JMJD1C: variants seen among roughly 807,000 people sequenced by gnomAD.
JMJD1C encodes the protein jumonji domain-containing protein 1C.
A neutral mutation model predicts 245.3 loss-of-function variants in JMJD1C; 31 were observed. The observed-to-expected ratio is 0.13, with a 90% confidence interval of 0.09 to 0.17. JMJD1C has a LOEUF of 0.17. JMJD1C is among the 10% of genes least tolerant of loss of function. The pLI, the probability that JMJD1C is intolerant of heterozygous loss-of-function variation, is 1.00. For synonymous variants in JMJD1C, 1,057 were observed against 1,017.4 expected, an observed-to-expected ratio of 1.04 and a Z score of -0.74; for missense variants, 2,691 against 3,000.2, an observed-to-expected ratio of 0.90 and a Z score of 2.41.
At chr10:63,211,673 C>T (rs1047573105) in intron 8 of JMJD1C, among the ~76,000 whole-genome samples, 7 of 151,550 alleles carry the variant, frequency 4.6e-5, no homozygotes. Flanking sequence ...TTCTAAATCA[C>T]CACCCCCAAC....
chr10:63,257,975 T>G (rs1854191444), intron 3 of JMJD1C, among the ~76,000 whole-genome samples: 1 of 152,154 alleles, frequency 6.6e-6, no homozygotes, highest in Non-Finnish European at 1.5e-5. Context: ...AGAAAGATTG[T>G]TAGAAGTAAG....
At chr10:63,422,456 G>A (rs1029000024) in intron 1 of JMJD1C, among the ~76,000 whole-genome samples, 2 of 152,020 alleles carry the variant, frequency 1.3e-5, no homozygotes, top group African/African-American at 4.8e-5. Flanking sequence ...TGTTAATATG[G>A]CAAATAATAG....
chr10:63,506,949 A>C (rs1258136148), intron 1 of JMJD1C, among the ~76,000 whole-genome samples: 1 of 152,180 alleles, frequency 6.6e-6, no homozygotes, highest in African/African-American at 2.4e-5. Flanking sequence ...GTAACCCATA[A>C]TAATGGCTAA....
intron 2 of JMJD1C, among the ~76,000 whole-genome samples, chr10:63,369,015 C>T (rs1946081365): frequency 1.3e-5 from 2 of 152,060 alleles, no homozygotes; most frequent in African/African-American, 4.8e-5. Context: ...TAGTTAAAGC[C>T]TCCTCAGGGT....
intron 21 of JMJD1C, 21 bp from the exon 22 acceptor site, chr10:63,183,590 T>C (rs1843737495): frequency 1.4e-6 from 2 of 1,425,176 alleles, no homozygotes; most frequent in South Asian, 1.3e-5. Flanking sequence ...AACAAAATTT[T>C]ACTTGACAAA....
At chr10:63,271,134 T>G (rs1198903696) in intron 2 of JMJD1C, among the ~76,000 whole-genome samples, 3 of 152,116 alleles carry the variant, frequency 2.0e-5, no homozygotes, top group Non-Finnish European at 4.4e-5. Context: ...GCAAGAAATA[T>G]TTAATTTATT....
At chr10:63,505,088 G>A (rs1249810971) in intron 1 of JMJD1C, among the ~76,000 whole-genome samples, 2 of 152,060 alleles carry the variant, frequency 1.3e-5, no homozygotes, top group African/African-American at 4.8e-5. Context: ...CTAGGCAGGC[G>A]GATCACGAGG....
At chr10:63,519,545 G>A (rs183430392) in intron 1 of JMJD1C, among the ~76,000 whole-genome samples, 2 of 152,256 alleles carry the variant, frequency 1.3e-5, no homozygotes, top group Admixed American at 1.3e-4. Flanking sequence ...TTACCATTCA[G>A]TACATTAGAC....
At chr10:63,182,097 C>A (rs1843561793) in intron 22 of JMJD1C, among the ~76,000 whole-genome samples, 1 of 152,126 alleles carries the variant, frequency 6.6e-6, no homozygotes, top group Non-Finnish European at 1.5e-5. Context: ...TATAATGAAT[C>A]CCATGTCCCC....
rs1948436003 is a variant in JMJD1C, at chr10:63,395,642, A to C, written c.169-15160T>G. Among the ~76,000 whole-genome samples the C allele has an allele frequency of 2.0e-5, 3 of 152,340 alleles. No homozygotes were observed. In the South Asian group the frequency reaches 6.2e-4, roughly 32 times the overall value. On this transcript the variant is annotated intron_variant, in intron 1 of 25. Coordinates refer to ENST00000399262, the MANE Select transcript of JMJD1C (RefSeq NM_032776.3). ...GTGAAATAACCTATATTTACACAAA[A>C]ACCTGTACATGAATGTTTAAAGCAG...
In JMJD1C at chr10:63,495,522, A is replaced by G. The variant is rs573306743; in HGVS notation, n.113+26216T>C. Among the ~76,000 whole-genome samples the G allele has an allele frequency of 3.3e-5, 5 of 152,318 alleles. No homozygotes were observed. In the East Asian group the frequency reaches 7.7e-4, roughly 23 times the overall value. On this transcript the variant is annotated intron_variant and non_coding_transcript_variant, in intron 1 of 3. Transcript: ENST00000633035. ...AGTGGTGGCTCACGCCTGTAATCCC[A>G]GCACTTTGGGAAGCCGAGGCGGGCA...
Position 63,185,579 on chromosome 10 carries a change from T to A in JMJD1C, c.6814A>T (p.Thr2272Ser). 2 of 1,595,944 alleles carry A rather than the reference T, an allele frequency of 1.3e-6. No homozygotes were observed. The highest frequency in any genetic ancestry group is 1.7e-6 in the Non-Finnish European group (2 of 1,163,580). The change falls in exon 20 of 26, where the codon ACT becomes TCT. Residue 2272 changes from threonine (T) to serine (S), a missense_variant. Thr to Ser is a moderately conservative substitution (Grantham distance 58). Around this residue, in one of 9 missense-constraint regions of JMJD1C, gnomAD observed 232 missense variants for 416.1 expected, o/e 0.56. Transcript: ENST00000399262. Reference protein sequence around the residue: ...KDWPSGEDFKTMMPARYEDLL... With the variant: ...KDWPSGEDFKSMMPARYEDLL... ...GTTTCAAACCTTGCTGGCATCATAG[T>A]CTTGAAGTCTTCTCCTGAAGGCCAG... is the stretch of plus-strand genomic sequence containing the variant.
At chr10:63,359,310 C>T (rs1945128374) in intron 2 of JMJD1C, among the ~76,000 whole-genome samples, 1 of 152,226 alleles carries the variant, frequency 6.6e-6, no homozygotes, top group South Asian at 2.1e-4. Context: ...GCACATTTAT[C>T]ATGGTAATAA....
chr10:63,229,477 T>C (rs1473849429), intron 3 of JMJD1C, among the ~76,000 whole-genome samples: 2 of 152,184 alleles, frequency 1.3e-5, no homozygotes, highest in Non-Finnish European at 2.9e-5. Context: ...CAATTTATAC[T>C]ATCCATGTAA....
intron 3 of JMJD1C, among the ~76,000 whole-genome samples, chr10:63,260,585 CA>C (rs1158870261): frequency 5.5e-5 from 8 of 146,462 alleles, no homozygotes; most frequent in African/African-American, 1.3e-4. Flanking sequence ...ATAGTAACAA[CA>C]AAAAAAAAAC....
intron 2 of JMJD1C, among the ~76,000 whole-genome samples, chr10:63,348,236 C>T (rs117553684): frequency 0.013 from 2,000 of 149,402 alleles, 30 homozygotes; most frequent in African/African-American, 0.034. Context: ...ATTCAAATGT[C>T]ATCAAGACAT....
At chr10:63,286,226 A>G (rs1178264944) in intron 2 of JMJD1C, among the ~76,000 whole-genome samples, 1 of 152,168 alleles carries the variant, frequency 6.6e-6, no homozygotes, top group African/African-American at 2.4e-5. Context: ...GACACACACT[A>G]TTTTGCTCCA....
intron 3 of JMJD1C, among the ~76,000 whole-genome samples, chr10:63,245,478 C>CTTTT (rs71025134): frequency 0.085 from 7,647 of 89,640 alleles, 1,361 homozygotes; most frequent in African/African-American, 0.26. Context: ...CAGGGGAACT[C>CTTTT]TTTTTTTTTT....
chr10:63,174,685 TAGAC>T (rs1344863189), intron 24 of JMJD1C, among the ~76,000 whole-genome samples: 3 of 151,536 alleles, frequency 2.0e-5, no homozygotes, highest in Non-Finnish European at 4.4e-5. Context: ...AATACAAAAT[TAGAC>T]AGGCGTGGTG....
Sources: gnomAD v4.1 joint callset for allele counts (sites outside exome capture counted in the v4.1 genomes callset) on GRCh38, gnomAD v4.1.1 for gene constraint, gnomAD v4.1.1 regional missense constraint, MANE v1.5 for transcripts, NCBI Gene and HGNC (gene_info 2026-07-23, HGNC 2026-07-21) for gene names.